TINCR: variants seen among roughly 807,000 people sequenced by gnomAD.
TINCR encodes TINCR ubiquitin domain containing.
chr19:5,567,626 G>GCCTACCCCCCC, intron 1 of TINCR, 39 bp downstream of exon 1: 1 of 202,442 alleles, frequency 4.9e-6, no homozygotes, highest in Non-Finnish European at 9.8e-6. Context: ...GTCCCCGGCC[G>GCCTACCCCCCC]CCGCCCCCGC....
chr19:5,566,759 C>T (rs943022849), intron 1 of TINCR, among the ~76,000 whole-genome samples: 3 of 150,766 alleles, frequency 2.0e-5, no homozygotes, highest in Non-Finnish European at 4.4e-5. Context: ...ACAGCAGAGA[C>T]AGAAATGGGC....
At chr19:5,562,001 T>C (rs923860156), downstream of TINCR, 1 of 152,586 alleles carries the variant, frequency 6.6e-6, no homozygotes, top group African/African-American at 2.4e-5. The surrounding 1 kb of genome is among the most constrained non-coding windows in gnomAD (Gnocchi z 4.4). Context: ...TCTCTTCTCC[T>C]CTCTGGGCCT....
At chr19:5,559,764 T>A (rs1261297239), downstream of TINCR, 4 of 152,200 alleles carry the variant, frequency 2.6e-5, no homozygotes, top group African/African-American at 9.7e-5. Context: ...ACGAGGCATG[T>A]CCCTGAATAT....
At chr19:5,567,623 G>GC in intron 1 of TINCR, 42 bp downstream of exon 1, 2 of 328,352 alleles carry the variant, frequency 6.1e-6, no homozygotes, top group Non-Finnish European at 5.5e-6. Flanking sequence ...GGGGTCCCCG[G>GC]CCGCCGCCCC....
At chr19:5,567,764 C>T (rs77608060) in exon 1 of TINCR, 23 of 393,772 alleles carry the variant, frequency 5.8e-5, no homozygotes, top group Middle Eastern at 6.4e-4. Context: ...GTAGAAGGCG[C>T]GCTTCCAGGA....
downstream of TINCR, chr19:5,560,535 C>G (rs1240429468): frequency 6.6e-6 from 1 of 152,264 alleles, no homozygotes; most frequent in Non-Finnish European, 1.5e-5. The surrounding 1 kb of genome is among the most constrained non-coding windows in gnomAD (Gnocchi z 4.5). Flanking sequence ...GCCCGGCACA[C>G]TGCCCTGAGG....
chr19:5,558,416 G>T (rs1437536103), downstream of TINCR: 1 of 152,296 alleles, frequency 6.6e-6, no homozygotes, highest in Non-Finnish European at 1.5e-5. Context: ...ATTGAAGCTA[G>T]GGCTTTGAAG....
chr19:5,566,109 C>T (rs1204276355), intron 1 of TINCR, among the ~76,000 whole-genome samples: 2 of 152,152 alleles, frequency 1.3e-5, no homozygotes, highest in African/African-American at 4.8e-5. Flanking sequence ...GGGTAACGGA[C>T]ACTGGAGTGG....
At chr19:5,567,588 C>T (rs2052137831) in intron 1 of TINCR, 77 bp downstream of exon 1, 2 of 376,628 alleles carry the variant, frequency 5.3e-6, no homozygotes, top group African/African-American at 4.2e-5. Flanking sequence ...CCGCCTTGGG[C>T]GCCCGCCTCC....
At chr19:5,567,569 CCCGGGAGGCCGCCTTGGGCGCCCGCCT>C in intron 1 of TINCR, 69 bp downstream of exon 1, 1 of 373,270 alleles carries the variant, frequency 2.7e-6, no homozygotes, top group Non-Finnish European at 4.8e-6. Flanking sequence ...GCAGTGCCGG[CCCGGGAGGCCGCCTTGGGCGCCCGCCT>C]CCCCCGCCGC....
chr19:5,567,623 G>GCCCC, intron 1 of TINCR, 42 bp downstream of exon 1: 3 of 328,350 alleles, frequency 9.1e-6, no homozygotes, highest in Non-Finnish European at 1.1e-5. Context: ...GGGGTCCCCG[G>GCCCC]CCGCCGCCCC....
At position 5,565,094 on chromosome 19, in the gene TINCR, T is replaced by C. The variant is rs1366920349; in HGVS notation, c.261-2145A>G. Among the ~76,000 whole-genome samples, 1 of 152,152 alleles carries C rather than the reference T, an allele frequency of 6.6e-6. No homozygotes were observed. Among genetic ancestry groups the C allele is most frequent in the East Asian group, 1.9e-4 (1 of 5,176 alleles). ...TCGGAGTCAAGGCCCAAGTCCTCCC[T>C]GCAGTCCGCAAGGCCCTGCATGAAC... is the stretch of plus-strand genomic sequence containing the variant. On this transcript the variant is annotated intron_variant, in intron 1 of 1. Coordinates refer to ENST00000646160, the Ensembl canonical transcript of TINCR. The surrounding 1 kb of genome is among the most constrained non-coding windows in gnomAD (Gnocchi z 4.0).
At chr19:5,567,163 C>G (rs563381424) in intron 1 of TINCR, among the ~76,000 whole-genome samples, 6 of 147,478 alleles carry the variant, frequency 4.1e-5, no homozygotes, top group Non-Finnish European at 4.5e-5. Flanking sequence ...GAGACAGAAA[C>G]AAGAGGGAGA....
Position 5,564,573 on chromosome 19 carries a change from ACT to A in TINCR, c.261-1626_261-1625del, listed in dbSNP as rs561798407. Among the ~76,000 whole-genome samples, 42 of 148,606 alleles carry A rather than the reference ACT, an allele frequency of 2.8e-4. 1 individual carries two copies. The South Asian group carries it at 8.0e-3, about 28-fold the overall frequency. The stretch of plus-strand genomic sequence containing the variant: ...GGGTGGGAGCCCAGAGGAGGTTGAA[ACT>A]CTCTCTTTTTTCTTTTGTTTTGAGA... On this transcript the variant is annotated intron_variant, in intron 1 of 1. Coordinates refer to ENST00000646160, the Ensembl canonical transcript of TINCR.
At chr19:5,566,580 CAG>C (rs1168626083) in intron 1 of TINCR, among the ~76,000 whole-genome samples, 1 of 150,352 alleles carries the variant, frequency 6.7e-6, no homozygotes, top group Non-Finnish European at 1.5e-5. Context: ...GACACAGAGA[CAG>C]AGACACAGAG....
chr19:5,560,431 C>T (rs927329500), downstream of TINCR: 1 of 152,230 alleles, frequency 6.6e-6, no homozygotes, highest in Non-Finnish European at 1.5e-5. This position sits in a 1 kb window ranked among gnomAD's most constrained non-coding sequence, Gnocchi z 4.5. Flanking sequence ...ACACGGCCCT[C>T]GAGGACATGC....
intron 1 of TINCR, among the ~76,000 whole-genome samples, chr19:5,566,032 C>T (rs1326760076): frequency 4.6e-5 from 7 of 152,164 alleles, no homozygotes; most frequent in Non-Finnish European, 8.8e-5. Flanking sequence ...GGCCAGAAGA[C>T]GCCCCACTTG....
intron 1 of TINCR, among the ~76,000 whole-genome samples, chr19:5,564,428 C>A (rs529910482): frequency 6.6e-6 from 1 of 152,112 alleles, no homozygotes; most frequent in Non-Finnish European, 1.5e-5. Context: ...GGACACACAG[C>A]CAGTGAACAG....
Position 5,563,243 on chromosome 19 carries a change from C to T in TINCR, c.261-294G>A, listed in dbSNP as rs2052110293. 6.6e-6 allele frequency among the ~76,000 whole-genome samples: 1 copy of T among 151,954 alleles called. No homozygotes were observed. Among genetic ancestry groups the T allele is most frequent in the Non-Finnish European group, 1.5e-5 (1 of 67,990 alleles). On this transcript the variant is annotated intron_variant, in intron 1 of 1. Transcript: ENST00000646160. The surrounding 1 kb of genome is among the most constrained non-coding windows in gnomAD (Gnocchi z 4.7). The stretch of plus-strand genomic sequence containing the variant: ...GCTGCCGGCAGAGGAGGGACACGCC[C>T]CGACTCAGGGGCTCACAGGCGCCCT...
Sources: gnomAD v4.1 joint callset for allele counts (sites outside exome capture counted in the v4.1 genomes callset) on GRCh38, gnomAD v4.1.1 for gene constraint, Gnocchi (gnomAD v3.1) non-coding constraint, MANE v1.5 for transcripts, NCBI Gene and HGNC (gene_info 2026-07-23, HGNC 2026-07-21) for gene names.